The following ATP11A variants were observed in gnomAD, a reference collection of about 807,000 sequenced individuals.
The protein encoded by ATP11A is ATPase phospholipid transporting 11A, also known as phospholipid-transporting ATPase IH.
Under a neutral mutation model 154.4 loss-of-function variants are expected in ATP11A, and 81 were observed. The ratio of observed to expected loss-of-function variants is 0.52; its 90% CI spans 0.44 to 0.63. The LOEUF is 0.63. Among genes scored for constraint, ATP11A ranks in the 30% least tolerant of loss-of-function variants. The probability of loss-of-function intolerance (pLI) is 0.00; values close to 1 mark genes in which losing one functional copy is unlikely to be tolerated. For missense variants in ATP11A, 1,316 were observed against 1,474.3 expected (o/e 0.89, Z 1.76); for synonymous variants, 623 against 585.9 (o/e 1.06, Z -0.91).
At chr13:112,765,417 C>T (rs984673593) in intron 1 of ATP11A, among the ~76,000 whole-genome samples, 3 of 152,252 alleles carry the variant, frequency 2.0e-5, no homozygotes, top group Admixed American at 6.5e-5. Context: ...GGGCAGGCCC[C>T]GCCTCTGCTC....
rs35972555 is a variant in ATP11A, at chr13:112,875,492, GTT to G, written c.3162-271_3162-270del. Among the ~76,000 whole-genome samples, 433 of 145,968 alleles carry G rather than the reference GTT, an allele frequency of 3.0e-3. 2 individuals are homozygous for G. The highest frequency in any genetic ancestry group is 9.2e-3 in the African/African-American group (366 of 39,930). The stretch of plus-strand genomic sequence containing the variant: ...TCAATCCCTTTGTGTTTTGTTTTTT[GTT>G]TTTTTTTTTTTTGCTTCTGTGAAAC... On this transcript the variant is annotated intron_variant, in intron 27 of 29. Coordinates refer to ENST00000375645, the MANE Select transcript of ATP11A (RefSeq NM_015205.3). The surrounding 1 kb of genome is among the most constrained non-coding windows in gnomAD (Gnocchi z 4.1).
chr13:112,700,573 G>A (rs540872971), intron 1 of ATP11A, among the ~76,000 whole-genome samples: 1 of 152,374 alleles, frequency 6.6e-6, no homozygotes, highest in East Asian at 1.9e-4. Flanking sequence ...CTCTGACCTT[G>A]TTCTCCCCGG....
chr13:112,863,818 T>C (rs1485682854), intron 25 of ATP11A, among the ~76,000 whole-genome samples: 88 of 39,038 alleles, frequency 2.3e-3, no homozygotes, highest in South Asian at 3.7e-3. Context: ...ATGCAGCTTC[T>C]CAGCGGGGTC....
intron 25 of ATP11A, among the ~76,000 whole-genome samples, chr13:112,863,180 C>A (rs2080176855): frequency 6.6e-6 from 1 of 150,660 alleles, no homozygotes; most frequent in African/African-American, 2.5e-5. Context: ...CAGCGGGGTC[C>A]ATCACCACCT....
intron 1 of ATP11A, among the ~76,000 whole-genome samples, chr13:112,693,416 G>A (rs1440338162): frequency 2.0e-5 from 3 of 151,296 alleles, no homozygotes; most frequent in African/African-American, 7.3e-5. Flanking sequence ...GTGCTGTCGG[G>A]GGCGTGAGGT....
chr13:112,809,471 T>C lies in ATP11A; in HGVS notation c.334-1148T>C, dbSNP rs2078425159. On this transcript the variant is annotated intron_variant, in intron 4 of 29. Coordinates refer to ENST00000375645, the MANE Select transcript of ATP11A (RefSeq NM_015205.3). ...GGGAGGAGGTCCCCAGTGAGCCTCC[T>C]GCCCCACAGGCTCTTGCAACCTACC... 5.3e-5 allele frequency among the ~76,000 whole-genome samples: 8 copies of C among 152,314 alleles called. No homozygotes were observed. In the South Asian group the frequency reaches 1.7e-3, roughly 32 times the overall value.
At chr13:112,876,619 A>G (rs2080733547) in intron 28 of ATP11A, among the ~76,000 whole-genome samples, 1 of 152,210 alleles carries the variant, frequency 6.6e-6, no homozygotes, top group Non-Finnish European at 1.5e-5. Context: ...TTAACAATGC[A>G]AGTTTTCAAG....
chr13:112,725,880 G>GC (rs1378993301), intron 1 of ATP11A, among the ~76,000 whole-genome samples: 1 of 152,224 alleles, frequency 6.6e-6, no homozygotes, highest in Non-Finnish European at 1.5e-5. Flanking sequence ...AGACTCAGGA[G>GC]CCCCTCCCCG....
In ATP11A at chr13:112,784,311, C is replaced by T. The variant is rs117031530; in HGVS notation, c.40-824C>T. On this transcript the variant is annotated intron_variant, in intron 1 of 29. Coordinates refer to ENST00000375645, the MANE Select transcript of ATP11A (RefSeq NM_015205.3). ...GCCATGGCAATGGTAAACTGATATT[C>T]ACACCGCGGGCATGTCTTATGGAAA... 7.8e-3 allele frequency among the ~76,000 whole-genome samples: 1,184 copies of T among 152,302 alleles called. 9 individuals are homozygous for T. Among genetic ancestry groups the T allele is most frequent in the Admixed American group, 0.013 (201 of 15,306 alleles).
At chr13:112,788,529 G>C (rs145780839) in intron 2 of ATP11A, among the ~76,000 whole-genome samples, 1 of 147,394 alleles carries the variant, frequency 6.8e-6, no homozygotes, top group African/African-American at 2.6e-5. Context: ...AATTCACACC[G>C]GTGTCCTGAT....
At chr13:112,849,846 G>A (rs2079712966) in intron 17 of ATP11A, among the ~76,000 whole-genome samples, 1 of 152,216 alleles carries the variant, frequency 6.6e-6, no homozygotes, top group Non-Finnish European at 1.5e-5. Flanking sequence ...AGGCTGGGGT[G>A]GCTGAGCAGC....
rs1483650226 is a variant in ATP11A at position 112,725,671 on chromosome 13, AGCCAG to A, written c.39+35217_39+35221del. Among the ~76,000 whole-genome samples the A allele has an allele frequency of 2.6e-5, 4 of 152,260 alleles. No individual in the cohort carries two copies. In the East Asian group the frequency reaches 7.7e-4, roughly 29 times the overall value. ...AGATGCACCAGCCCTCCCATGCCCC[AGCCAG>A]TGAGTGTGTGGCTACAGCTGTGGCT... On this transcript the variant is annotated intron_variant, in intron 1 of 29. Coordinates refer to ENST00000375645, the MANE Select transcript of ATP11A (RefSeq NM_015205.3).
In ATP11A at chr13:112,838,314, G is replaced by C. The variant is rs992917352; in HGVS notation, c.1705+2063G>C. On this transcript the variant is annotated intron_variant, in intron 16 of 29. Transcript: ENST00000375645. The surrounding 1 kb of genome is among the most constrained non-coding windows in gnomAD (Gnocchi z 7.3). ...TCCATCCCGTCACGTGGTTTTCCCC[G>C]TAGCAGTCGAATCTAGCTGTTGAGC... Among the ~76,000 whole-genome samples the C allele has an allele frequency of 2.6e-5, 4 of 152,274 alleles. No individual in the cohort carries two copies. The East Asian group carries it at 7.7e-4, about 29-fold the overall frequency.
rs1202050813 is a variant in ATP11A, at chr13:112,753,907, A to G, written c.40-31228A>G. ...TTAAAAACATGCTGAGGAATTAAAG[A>G]AAGAAGCCATCTATGTTCTTCCTGG... is the stretch of plus-strand genomic sequence containing the variant. On this transcript the variant is annotated intron_variant, in intron 1 of 29. Transcript: ENST00000375645. This position sits in a 1 kb window ranked among gnomAD's most constrained non-coding sequence, Gnocchi z 4.1. 6.6e-6 allele frequency among the ~76,000 whole-genome samples: 1 copy of G among 152,244 alleles called. No homozygotes were observed.
chr13:112,863,736 A>G (rs1428933708), intron 25 of ATP11A, among the ~76,000 whole-genome samples: 1 of 66,440 alleles, frequency 1.5e-5, no homozygotes. Flanking sequence ...CCACCTGCGC[A>G]GTAATTCAGT....
At chr13:112,846,340 G>T (rs745506143) in intron 17 of ATP11A, among the ~76,000 whole-genome samples, 17 of 152,080 alleles carry the variant, frequency 1.1e-4, no homozygotes, top group Non-Finnish European at 2.1e-4. Context: ...GGTTTTCCAC[G>T]TTTCTTTAGA....
intron 2 of ATP11A, among the ~76,000 whole-genome samples, chr13:112,796,429 A>G (rs2078000268): frequency 6.6e-6 from 1 of 152,222 alleles, no homozygotes; most frequent in African/African-American, 2.4e-5. Context: ...AGGCACTTGT[A>G]AGTGGAAGAG....
chr13:112,831,325 A>T, intron 12 of ATP11A, 50 bp from the exon 13 acceptor site: 1 of 1,587,268 alleles, frequency 6.3e-7, no homozygotes, highest in Non-Finnish European at 8.6e-7. Context: ...TGAGTCGGGG[A>T]CGTGCGGGCC....
At position 112,810,725 on chromosome 13, in the gene ATP11A, GAGTA is replaced by G; in HGVS notation, c.441+3_441+6del. The G allele has an allele frequency of 6.2e-7, 1 of 1,613,718 alleles. No individual in the cohort carries two copies. Among genetic ancestry groups the G allele is most frequent in the Non-Finnish European group, 8.5e-7 (1 of 1,179,656 alleles). On this transcript the variant is annotated splice_donor_variant and splice_donor_region_variant and coding_sequence_variant and intron_variant, in exon 5 of 30. Coordinates refer to ENST00000375645, the MANE Select transcript of ATP11A (RefSeq NM_015205.3). LOFTEE classifies it high-confidence loss of function. ...GTTCGGAAACAAAGTCGAAAGCTGC[GAGTA>G]AGTGACACCCGACACATTTACGCTG...
Sources: gnomAD v4.1 joint callset for allele counts (sites outside exome capture counted in the v4.1 genomes callset) on GRCh38, gnomAD v4.1.1 for gene constraint, Gnocchi (gnomAD v3.1) non-coding constraint, MANE v1.5 for transcripts, NCBI Gene and HGNC (gene_info 2026-07-23, HGNC 2026-07-21) for gene names.